The following MAP3K4 variants were observed in gnomAD, a reference collection of about 807,000 sequenced individuals.
MAP3K4 encodes mitogen-activated protein kinase kinase kinase 4, also known as MAP three kinase 1.
MAP3K4 carries 67 observed loss-of-function variants against 185.6 expected under a neutral mutation model. The observed-to-expected ratio is 0.36, with a 90% confidence interval of 0.30 to 0.44. MAP3K4 has a LOEUF of 0.44. Ranked by LOEUF, MAP3K4 falls within the 20% of genes least tolerant of loss-of-function variation. The probability of loss-of-function intolerance (pLI) is 1.00; values close to 1 mark genes in which losing one functional copy is unlikely to be tolerated. For synonymous variants in MAP3K4, 702 were observed against 710.4 expected, an observed-to-expected ratio of 0.99 and a Z score of 0.19; for missense variants, 1,551 against 1,995.1, an observed-to-expected ratio of 0.78 and a Z score of 4.24.
intron 3 of MAP3K4, among the ~76,000 whole-genome samples, chr6:161,068,835 C>G (rs1784813966): frequency 2.6e-5 from 4 of 152,196 alleles, no homozygotes; most frequent in Admixed American, 2.6e-4. Context: ...TGGGAAAACA[C>G]AGAAACAGGG....
intron 1 of MAP3K4, among the ~76,000 whole-genome samples, chr6:161,029,682 A>T (rs1415290696): frequency 1.3e-5 from 2 of 152,190 alleles, no homozygotes; most frequent in African/African-American, 4.8e-5. Flanking sequence ...AATCATTGGT[A>T]TACATGTAAA....
At chr6:161,078,917 A>C (rs1387029797) in intron 5 of MAP3K4, among the ~76,000 whole-genome samples, 4 of 152,164 alleles carry the variant, frequency 2.6e-5, no homozygotes, top group Non-Finnish European at 1.5e-5. Flanking sequence ...ATTATGGTTT[A>C]AAAGGAGCAG....
intron 19 of MAP3K4, among the ~76,000 whole-genome samples, chr6:161,104,709 CAA>C (rs10688556): frequency 7.4e-5 from 9 of 121,610 alleles, no homozygotes; most frequent in African/African-American, 9.5e-5. Flanking sequence ...GACTCCATCT[CAA>C]AAAAAAAAAA....
chr6:161,050,230 G>T (rs1251777122), intron 3 of MAP3K4, among the ~76,000 whole-genome samples: 1 of 152,140 alleles, frequency 6.6e-6, no homozygotes, highest in Non-Finnish European at 1.5e-5. Context: ...ATACAGGATG[G>T]CAAAGGACAG....
chr6:161,004,810 G>A (rs1056287369), intron 1 of MAP3K4, among the ~76,000 whole-genome samples: 2 of 152,148 alleles, frequency 1.3e-5, no homozygotes, highest in African/African-American at 4.8e-5. Context: ...TAATAAGTTG[G>A]CAGAAACCAT....
Position 161,107,583 on chromosome 6 carries a change from G to T in MAP3K4, c.4049-316G>T, listed in dbSNP as rs1303788467. Among the ~76,000 whole-genome samples the T allele has an allele frequency of 6.6e-6, 1 of 152,138 alleles. No homozygotes were observed. The highest frequency in any genetic ancestry group is 2.4e-5 in the African/African-American group (1 of 41,424). On this transcript the variant is annotated intron_variant, in intron 20 of 26. Coordinates refer to ENST00000392142, the MANE Select transcript of MAP3K4 (RefSeq NM_005922.4). This position sits in a 1 kb window ranked among gnomAD's most constrained non-coding sequence, Gnocchi z 6.2. ...GCCCCAGCCAAGATCTCCTTGAGGG[G>T]TGTGAGGGCTCAGAGGTGTGCACCA...
chr6:161,064,079 G>A lies in MAP3K4; in HGVS notation c.1708-6529G>A, dbSNP rs1583184618. ...GGCGTTGAAGGGAAATTGAAACCCT[G>A]TTGCCACCACTTTTTCCCAGAATTC... On this transcript the variant is annotated intron_variant, in intron 3 of 26. Coordinates refer to ENST00000392142, the MANE Select transcript of MAP3K4 (RefSeq NM_005922.4). This position sits in a 1 kb window ranked among gnomAD's most constrained non-coding sequence, Gnocchi z 4.3. Among the ~76,000 whole-genome samples the A allele has an allele frequency of 2.0e-5, 3 of 152,250 alleles. No homozygotes were observed. Among genetic ancestry groups the A allele is most frequent in the East Asian group, 1.9e-4 (1 of 5,184 alleles).
At position 161,109,585 on chromosome 6, in the gene MAP3K4, A is replaced by G. The variant is rs1359775759; in HGVS notation, c.4237-170A>G. The stretch of plus-strand genomic sequence containing the variant: ...AGGCAGGCAGACACCTCTATAGAGG[A>G]CTTAGAAACGACTGTTGTGAGACAC... On this transcript the variant is annotated intron_variant, in intron 22 of 26. Transcript: ENST00000392142. The surrounding 1 kb of genome is among the most constrained non-coding windows in gnomAD (Gnocchi z 5.7). Among the ~76,000 whole-genome samples the G allele has an allele frequency of 1.3e-5, 2 of 152,176 alleles. No homozygotes were observed. Among genetic ancestry groups the G allele is most frequent in the African/African-American group, 4.8e-5 (2 of 41,438 alleles).
At position 161,008,526 on chromosome 6, in the gene MAP3K4, C is replaced by T. The variant is rs1781700010; in HGVS notation, c.152+16443C>T. Reference sequence around the variant, plus strand: ...TGGTAATAGATGAAACAGGAGCTGGCAGTTGACCAATTATGTAGGACCTTG... The same window carrying T: ...TGGTAATAGATGAAACAGGAGCTGGTAGTTGACCAATTATGTAGGACCTTG... On this transcript the variant is annotated intron_variant, in intron 1 of 26. Coordinates refer to ENST00000392142, the MANE Select transcript of MAP3K4 (RefSeq NM_005922.4). The surrounding 1 kb of genome is among the most constrained non-coding windows in gnomAD (Gnocchi z 4.1). Among the ~76,000 whole-genome samples the T allele has an allele frequency of 6.6e-6, 1 of 152,154 alleles. No individual in the cohort carries two copies. Among genetic ancestry groups the T allele is most frequent in the Admixed American group, 6.5e-5 (1 of 15,276 alleles).
At chr6:161,062,079 A>G (rs1399901898) in intron 3 of MAP3K4, among the ~76,000 whole-genome samples, 1 of 152,084 alleles carries the variant, frequency 6.6e-6, no homozygotes, top group East Asian at 1.9e-4. Context: ...TTTACTTTTA[A>G]TGTTTAAGAT....
At chr6:161,105,829 TGG>T in intron 19 of MAP3K4, among the ~76,000 whole-genome samples, 1 of 116,168 alleles carries the variant, frequency 8.6e-6, no homozygotes, top group South Asian at 3.7e-4. Context: ...CTAAGTTTTT[TGG>T]TTTTTTGTTT....
chr6:161,065,989 T>C (rs1583187284), intron 3 of MAP3K4, among the ~76,000 whole-genome samples: 2 of 143,766 alleles, frequency 1.4e-5, no homozygotes, highest in Admixed American at 6.9e-5. Context: ...CAGTTGAGCA[T>C]CCCAAATCCA....
rs1298449194 is a variant in MAP3K4 at position 161,082,869 on chromosome 6, A to C, written c.2256-1632A>C. Among the ~76,000 whole-genome samples the C allele has an allele frequency of 6.6e-6, 1 of 152,152 alleles. No individual in the cohort carries two copies. Among genetic ancestry groups the C allele is most frequent in the African/African-American group, 2.4e-5 (1 of 41,424 alleles). On this transcript the variant is annotated intron_variant, in intron 6 of 26. Coordinates refer to ENST00000392142, the MANE Select transcript of MAP3K4 (RefSeq NM_005922.4). This position sits in a 1 kb window ranked among gnomAD's most constrained non-coding sequence, Gnocchi z 4.2. ...AGTTTATTCTCAACACCACAGCCTG[A>C]ATGGTCTGGTTAAAGTGTATGTCAG...
In MAP3K4 at chr6:161,007,854, C is replaced by T. The variant is rs1326762263; in HGVS notation, c.152+15771C>T. Among the ~76,000 whole-genome samples the T allele has an allele frequency of 6.6e-6, 1 of 152,100 alleles. No individual in the cohort carries two copies. Among genetic ancestry groups the T allele is most frequent in the Non-Finnish European group, 1.5e-5 (1 of 68,020 alleles). The stretch of plus-strand genomic sequence containing the variant: ...TTTATATGTCACTAAGGAAAAACTG[C>T]AATGAAGCAATGACACAGTGCTTTT... On this transcript the variant is annotated intron_variant, in intron 1 of 26. Transcript: ENST00000392142. The surrounding 1 kb of genome is among the most constrained non-coding windows in gnomAD (Gnocchi z 4.5).
At chr6:161,029,301 T>C (rs1185415918) in intron 1 of MAP3K4, among the ~76,000 whole-genome samples, 2 of 152,208 alleles carry the variant, frequency 1.3e-5, no homozygotes, top group East Asian at 3.8e-4. Flanking sequence ...GTTTTCAGAC[T>C]CATCTAATCC....
In MAP3K4 at chr6:161,063,926, T is replaced by G. The variant is rs1784589788; in HGVS notation, c.1708-6682T>G. 6.6e-6 allele frequency among the ~76,000 whole-genome samples: 1 copy of G among 152,200 alleles called. No individual in the cohort carries two copies. Among genetic ancestry groups the G allele is most frequent in the Non-Finnish European group, 1.5e-5 (1 of 68,024 alleles). On this transcript the variant is annotated intron_variant, in intron 3 of 26. Coordinates refer to ENST00000392142, the MANE Select transcript of MAP3K4 (RefSeq NM_005922.4). The surrounding 1 kb of genome is among the most constrained non-coding windows in gnomAD (Gnocchi z 5.4). ...GCTGATACCACATGGCTCTTGGAAC[T>G]GTTCATGGTTTTCCCACCACCTCTT...
In MAP3K4 at chr6:161,098,543, G is replaced by T; in HGVS notation, c.3674+116G>T. 3.1e-6 allele frequency: 4 copies of T among 1,291,626 alleles called. No individual in the cohort carries two copies. The highest frequency in any genetic ancestry group is 1.5e-5 in the South Asian group (1 of 64,578). 80.0% of individuals were successfully genotyped at this position (1,291,626 alleles called of 1,614,324 possible). On this transcript the variant is annotated intron_variant, in intron 17 of 26. Transcript: ENST00000392142. This position sits in a 1 kb window ranked among gnomAD's most constrained non-coding sequence, Gnocchi z 4.4. ...GTTGGGCTTCTTTGCTGTGGCGTGT[G>T]AGTGATGCTCTAGGGCCTTCCGCAG...
intron 1 of MAP3K4, among the ~76,000 whole-genome samples, chr6:161,000,685 G>T (rs1196080200): frequency 6.6e-6 from 1 of 151,688 alleles, no homozygotes; most frequent in African/African-American, 2.4e-5. Flanking sequence ...ATTTTCCCCT[G>T]ATATATATAC....
At chr6:161,014,215 C>T (rs1781976979) in intron 1 of MAP3K4, among the ~76,000 whole-genome samples, 1 of 152,108 alleles carries the variant, frequency 6.6e-6, no homozygotes, top group African/African-American at 2.4e-5. Flanking sequence ...GACAAAGGAG[C>T]GCCCTTTCCT....
Sources: allele counts gnomAD v4.1 joint callset (sites outside exome capture counted in the v4.1 genomes callset), GRCh38; gene constraint gnomAD v4.1.1; non-coding constraint Gnocchi (gnomAD v3.1); transcripts MANE v1.5; gene names NCBI Gene and HGNC (gene_info 2026-07-23, HGNC 2026-07-21).